WDR7: variants seen among roughly 807,000 people sequenced by gnomAD.
WDR7 encodes the protein WD repeat-containing protein 7.
A neutral mutation model predicts 169.4 loss-of-function variants in WDR7; 46 were observed. The ratio of observed to expected loss-of-function variants is 0.27; its 90% CI spans 0.21 to 0.35. The LOEUF (loss-of-function observed/expected upper bound fraction) is 0.35. Ranked by LOEUF, WDR7 falls within the 10% of genes least tolerant of loss-of-function variation. WDR7 has a pLI of 1.00. For missense variants in WDR7, 1,534 were observed against 1,859.3 expected, an observed-to-expected ratio of 0.83 and a Z score of 3.22; for synonymous variants, 612 against 666.8, an observed-to-expected ratio of 0.92 and a Z score of 1.27.
At chr18:56,760,003 T>G (rs1768044348) in intron 16 of WDR7, among the ~76,000 whole-genome samples, 1 of 152,164 alleles carries the variant, frequency 6.6e-6, no homozygotes, top group Non-Finnish European at 1.5e-5. Context: ...TTTCTATCCA[T>G]CATTTCCAAA....
chr18:56,938,753 A>G (rs2046993473), intron 24 of WDR7, 71 bp downstream of exon 24: 1 of 1,552,420 alleles, frequency 6.4e-7, no homozygotes, highest in African/African-American at 1.4e-5. Context: ...AATATAAATC[A>G]GTATCTTTAT....
chr18:56,818,963 G>A (rs535374015), intron 20 of WDR7, among the ~76,000 whole-genome samples: 6 of 152,254 alleles, frequency 3.9e-5, no homozygotes, highest in East Asian at 3.9e-4. Flanking sequence ...GAAAGCTATA[G>A]TTAGGCTAAT....
chr18:56,884,494 C>G (rs574240365), intron 21 of WDR7, among the ~76,000 whole-genome samples: 20 of 152,206 alleles, frequency 1.3e-4, no homozygotes, highest in African/African-American at 4.3e-4. Context: ...TGTGTAGAAG[C>G]TTTTTCATTT....
chr18:56,838,690 T>C (rs2045432888), intron 20 of WDR7, among the ~76,000 whole-genome samples: 1 of 152,166 alleles, frequency 6.6e-6, no homozygotes, highest in Admixed American at 6.5e-5. Flanking sequence ...TCATATAGAT[T>C]CTCATGAACT....
chr18:56,698,371 C>A (rs1293079100), intron 12 of WDR7, among the ~76,000 whole-genome samples: 1 of 152,064 alleles, frequency 6.6e-6, no homozygotes, highest in Non-Finnish European at 1.5e-5. Context: ...CTTTGGGAGG[C>A]TGAGAGGGGC....
intron 19 of WDR7, among the ~76,000 whole-genome samples, chr18:56,784,103 C>T (rs2044359283): frequency 6.6e-6 from 1 of 152,196 alleles, no homozygotes; most frequent in Non-Finnish European, 1.5e-5. Flanking sequence ...CCACTATTGC[C>T]ATCACGGCCT....
chr18:56,658,520 A>G (rs2024828864), intron 1 of WDR7, among the ~76,000 whole-genome samples: 1 of 152,178 alleles, frequency 6.6e-6, no homozygotes, highest in South Asian at 2.1e-4. Context: ...GAATGTTGGT[A>G]GTTGGTATAT....
intron 16 of WDR7, among the ~76,000 whole-genome samples, chr18:56,761,580 ATAAT>A (rs1403697938): frequency 3.3e-5 from 5 of 152,084 alleles, no homozygotes; most frequent in African/African-American, 7.2e-5. Flanking sequence ...AAGTTTGGAG[ATAAT>A]TAATATCTTT....
intron 20 of WDR7, among the ~76,000 whole-genome samples, chr18:56,842,475 CATTTCAAACAAT>C (rs1367379006): frequency 2.0e-5 from 3 of 152,142 alleles, no homozygotes; most frequent in Non-Finnish European, 4.4e-5. Flanking sequence ...GGATTAAGTA[CATTTCAAACAAT>C]AGCAAGGACT....
chr18:56,739,762 G>T (rs1480781696), intron 14 of WDR7, among the ~76,000 whole-genome samples: 1 of 151,860 alleles, frequency 6.6e-6, no homozygotes, highest in Non-Finnish European at 1.5e-5. Context: ...TTTTTTTGGG[G>T]GGGGGAATAA....
At chr18:56,961,098 A>G (rs1267210882) in intron 25 of WDR7, among the ~76,000 whole-genome samples, 1 of 152,162 alleles carries the variant, frequency 6.6e-6, no homozygotes, top group Non-Finnish European at 1.5e-5. Context: ...TAAGTAACAA[A>G]AGTTTAAAAA....
intron 25 of WDR7, among the ~76,000 whole-genome samples, chr18:56,944,966 A>G (rs112982884): frequency 0.035 from 5,351 of 152,274 alleles, 319 homozygotes; most frequent in African/African-American, 0.12. Context: ...TCTAACTCCA[A>G]GATAAAACCC....
intron 26 of WDR7, among the ~76,000 whole-genome samples, chr18:56,994,091 C>G (rs559754975): frequency 6.7e-6 from 1 of 148,796 alleles, no homozygotes; most frequent in South Asian, 2.1e-4. Context: ...ACCATCTTGG[C>G]TCATTGCAGC....
chr18:56,803,170 A>G (rs2044707913), intron 19 of WDR7, among the ~76,000 whole-genome samples: 1 of 152,218 alleles, frequency 6.6e-6, no homozygotes, highest in Non-Finnish European at 1.5e-5. Flanking sequence ...TTCTCAAATA[A>G]TAAAGTCAGA....
intron 14 of WDR7, among the ~76,000 whole-genome samples, chr18:56,754,295 G>A (rs182516099): frequency 4.7e-5 from 7 of 149,784 alleles, no homozygotes; most frequent in African/African-American, 1.5e-4. Flanking sequence ...GTATATGTGT[G>A]TGTGTGTATG....
chr18:56,721,287 G>A (rs2026314885), intron 13 of WDR7, among the ~76,000 whole-genome samples: 2 of 151,972 alleles, frequency 1.3e-5, no homozygotes, highest in Non-Finnish European at 2.9e-5. Context: ...TCCTTTATAC[G>A]TTTATGCAGC....
In WDR7 at chr18:56,691,798, T is replaced by G. The variant is rs372880345; in HGVS notation, c.947T>G (p.Leu316Trp). The G allele has an allele frequency of 6.2e-7, 1 of 1,610,200 alleles. No individual in the cohort carries two copies. Among genetic ancestry groups the G allele is most frequent in the African/African-American group, 1.3e-5 (1 of 74,808 alleles). ...ATTCCTCCTGTACAACATATCCTCTTGGATCGAAAAGATAAAGAGGTAAAA... is the reference window on the plus strand; with the variant it reads ...ATTCCTCCTGTACAACATATCCTCTGGGATCGAAAAGATAAAGAGGTAAAA... ...NLIPPVQHILLDRKDKELLIC... is the reference protein window; with the variant it reads ...NLIPPVQHILWDRKDKELLIC... The change falls in exon 9 of 28, where the codon TTG becomes TGG. Residue 316 changes from leucine (L) to tryptophan (W), a missense_variant. Coordinates refer to ENST00000254442, the MANE Select transcript of WDR7 (RefSeq NM_015285.3).
intron 26 of WDR7, among the ~76,000 whole-genome samples, chr18:57,004,042 C>T (rs2048021964): frequency 6.6e-6 from 1 of 151,874 alleles, no homozygotes. Flanking sequence ...CGCGCACACA[C>T]ACACCCTAGC....
intron 21 of WDR7, among the ~76,000 whole-genome samples, chr18:56,912,069 A>C (rs1310765634): frequency 1.3e-5 from 2 of 152,168 alleles, no homozygotes; most frequent in Non-Finnish European, 2.9e-5. Context: ...GCCCCCCTTC[A>C]CGGATGTTTA....
Sources: allele counts gnomAD v4.1 joint callset (sites outside exome capture counted in the v4.1 genomes callset), GRCh38; gene constraint gnomAD v4.1.1; transcripts MANE v1.5; gene names NCBI Gene and HGNC (gene_info 2026-07-23, HGNC 2026-07-21).